The following ART3 variants were observed in gnomAD, a reference collection of about 807,000 sequenced individuals.
ART3 encodes ADP-ribosyltransferase 3 (inactive).
In ART3, 49 loss-of-function variants were observed where a neutral mutation model predicts 48.5. The observed-to-expected ratio is 1.01, with a 90% confidence interval of 0.80 to 1.28. The LOEUF (loss-of-function observed/expected upper bound fraction) is 1.28. ART3 is among the 50% of genes most tolerant of loss of function. The pLI, the probability that ART3 is intolerant of heterozygous loss-of-function variation, is 0.00. For synonymous variants in ART3, 145 were observed against 157.2 expected, an observed-to-expected ratio of 0.92 and a Z score of 0.58; for missense variants, 438 against 454.3, an observed-to-expected ratio of 0.96 and a Z score of 0.33.
chr4:76,094,555 G>C (rs774805241), intron 3 of ART3, among the ~76,000 whole-genome samples: 1 of 152,166 alleles, frequency 6.6e-6, no homozygotes, highest in Non-Finnish European at 1.5e-5. Context: ...TTATTCTTCA[G>C]ATTTTCTAGG....
At chr4:76,044,615 CTT>C (rs1560593039) in intron 1 of ART3, among the ~76,000 whole-genome samples, 1 of 151,558 alleles carries the variant, frequency 6.6e-6, no homozygotes. Context: ...CTCTTCCTCT[CTT>C]TTTAACTCTC....
At chr4:76,049,987 G>C (rs776334093) in intron 1 of ART3, among the ~76,000 whole-genome samples, 1 of 151,818 alleles carries the variant, frequency 6.6e-6, no homozygotes, top group East Asian at 1.9e-4. Context: ...GACCTTAGCG[G>C]TGAGTGTTAC....
intron 2 of ART3, among the ~76,000 whole-genome samples, chr4:76,077,206 G>A (rs898962992): frequency 2.6e-5 from 4 of 152,022 alleles, no homozygotes; most frequent in Admixed American, 6.6e-5. Context: ...CCCATTCCCT[G>A]GCAACCACTG....
chr4:76,031,164 C>A (rs1305196341), intron 1 of ART3, among the ~76,000 whole-genome samples: 2 of 151,998 alleles, frequency 1.3e-5, no homozygotes, highest in African/African-American at 4.8e-5. Flanking sequence ...AACTTCAATC[C>A]CTCTGATTAA....
chr4:76,057,528 A>G (rs1034321241), intron 1 of ART3, among the ~76,000 whole-genome samples: 11 of 152,242 alleles, frequency 7.2e-5, no homozygotes, highest in African/African-American at 2.7e-4. Context: ...AAGTTAAAAA[A>G]TAATGCTATC....
At chr4:76,021,768 T>C (rs1437729745) in intron 1 of ART3, 2 of 715,822 alleles carry the variant, frequency 2.8e-6, no homozygotes, top group Admixed American at 2.1e-5. Context: ...ACAGGAGTAG[T>C]AGCAGCTGAT....
chr4:76,080,186 G>A (rs1431549809), intron 2 of ART3, among the ~76,000 whole-genome samples: 1 of 152,198 alleles, frequency 6.6e-6, no homozygotes. Flanking sequence ...CCATAAGCCA[G>A]AGTACAGGGT....
At chr4:76,077,189 T>G (rs1458145782) in intron 2 of ART3, among the ~76,000 whole-genome samples, 1 of 152,192 alleles carries the variant, frequency 6.6e-6, no homozygotes, top group Non-Finnish European at 1.5e-5. Flanking sequence ...CCCAATTTTC[T>G]CCATCCCCCA....
intron 10 of ART3, chr4:76,105,507 C>G (rs1289743320): frequency 7.8e-7 from 1 of 1,287,488 alleles, no homozygotes; most frequent in Non-Finnish European, 1.0e-6. Flanking sequence ...ATCTGAAAAC[C>G]TCTTTCTTGT....
At chr4:76,106,092 T>G in intron 10 of ART3, 10 of 985,254 alleles carry the variant, frequency 1.0e-5, no homozygotes, top group Non-Finnish European at 1.2e-5. Context: ...ACGATAAATA[T>G]TATTGACACT....
intron 2 of ART3, among the ~76,000 whole-genome samples, chr4:76,081,529 T>A (rs1717922948): frequency 6.6e-6 from 1 of 152,232 alleles, no homozygotes; most frequent in East Asian, 1.9e-4. Context: ...TTCTTTAGCT[T>A]CACATCCATT....
chr4:76,104,328 T>A (rs1231521484), intron 9 of ART3: 1 of 982,954 alleles, frequency 1.0e-6, no homozygotes, highest in East Asian at 1.1e-4. Flanking sequence ...TTGGCTAACA[T>A]CTCATTGCCT....
intron 2 of ART3, among the ~76,000 whole-genome samples, chr4:76,077,128 A>G (rs1275113893): frequency 2.6e-5 from 4 of 152,168 alleles, no homozygotes; most frequent in African/African-American, 9.7e-5. Flanking sequence ...ATCTGATTGC[A>G]AAACATTTCC....
intron 1 of ART3, chr4:76,033,825 C>G: frequency 6.6e-6 from 1 of 152,124 alleles, no homozygotes; most frequent in African/African-American, 2.4e-5. Context: ...TTCTAAGAGA[C>G]AGAATTACAA....
intron 1 of ART3, among the ~76,000 whole-genome samples, chr4:76,015,736 C>A (rs1264160480): frequency 6.6e-6 from 1 of 152,188 alleles, no homozygotes; most frequent in Non-Finnish European, 1.5e-5. Context: ...TCAAACAATC[C>A]TCCCACCTCA....
At chr4:76,071,184 T>C (rs1720273749), upstream of ART3, among the ~76,000 whole-genome samples, 2 of 152,002 alleles carry the variant, frequency 1.3e-5, no homozygotes, top group Non-Finnish European at 2.9e-5. Flanking sequence ...ACCCCGTCTC[T>C]AGTAAAAATA....
At chr4:76,014,788 C>A (rs932366696) in intron 1 of ART3, among the ~76,000 whole-genome samples, 1 of 152,120 alleles carries the variant, frequency 6.6e-6, no homozygotes, top group Non-Finnish European at 1.5e-5. Flanking sequence ...GACAGAGAAT[C>A]TTGAAAGCAA....
intron 3 of ART3, among the ~76,000 whole-genome samples, chr4:76,096,922 A>G (rs1034034583): frequency 2.1e-4 from 32 of 152,192 alleles, no homozygotes; most frequent in Admixed American, 4.6e-4. Flanking sequence ...TCTTCAAAGG[A>G]TAGGAATTGT....
At chr4:76,105,823 C>T (rs1728347410) in intron 10 of ART3, 17 of 985,288 alleles carry the variant, frequency 1.7e-5, no homozygotes, top group Admixed American at 6.2e-5. Flanking sequence ...CTGTCTATTC[C>T]AGAATGAGGC....
Sources: gnomAD v4.1 joint callset for allele counts (sites outside exome capture counted in the v4.1 genomes callset) on GRCh38, gnomAD v4.1.1 for gene constraint, MANE v1.5 for transcripts, NCBI Gene and HGNC (gene_info 2026-07-23, HGNC 2026-07-21) for gene names.